The following GOLT1B variants were observed in gnomAD, a reference collection of about 807,000 sequenced individuals.
The protein encoded by GOLT1B is golgi transport 1B.
In GOLT1B, 3 loss-of-function variants were observed where a neutral mutation model predicts 15.4. The ratio of observed to expected loss-of-function variants is 0.19; its 90% confidence interval spans 0.09 to 0.50. The LOEUF is 0.50. Among genes scored for constraint, GOLT1B ranks in the 20% least tolerant of loss-of-function variants. The pLI is 0.97. For missense variants in GOLT1B, 145 were observed against 160.4 expected (o/e 0.90, Z 0.52); for synonymous variants, 65 against 56.2 (o/e 1.16, Z -0.70).
At position 21,517,384 on chromosome 12, in the gene GOLT1B, T is replaced by C. The variant is rs1266556136; in HGVS notation, c.*1677T>C. On this transcript the variant is annotated 3_prime_UTR_variant, in exon 5 of 5. Transcript: ENST00000229314. ...ATGGAATAATAAGAGGCTACTGTTG[T>C]GTCTAATGTTCTTCAAAAAAGTAAT... The C allele has an allele frequency of 1.0e-4, 16 of 152,460 alleles. No homozygotes were observed. The highest frequency in any genetic ancestry group is 9.2e-4 in the Admixed American group (14 of 15,278). 9.4% of individuals were successfully genotyped at this position (152,460 alleles called of 1,614,324 possible). A position where few individuals can be genotyped will look rare whatever the true frequency, so the allele number is the denominator to read the frequency against.
chr12:21,509,262 G>T (rs1360093492), intron 3 of GOLT1B, among the ~76,000 whole-genome samples: 1 of 151,912 alleles, frequency 6.6e-6, no homozygotes, highest in East Asian at 1.9e-4. Flanking sequence ...AGCTGGCCAT[G>T]CTGGCAGGCG....
chr12:21,515,631 G>A lies in GOLT1B; in HGVS notation c.379-38G>A, dbSNP rs76674748. The stretch of plus-strand genomic sequence containing the variant: ...TTGATATAATGTTTTATAATGTTCC[G>A]GGCTTTCTTTAATTCTCTGTTTTTC... On this transcript the variant is annotated intron_variant, in intron 4 of 4. Transcript: ENST00000229314. The A allele has an allele frequency of 5.8e-3, 6,213 of 1,064,634 alleles. 143 individuals carry two copies. In the African/African-American group the frequency reaches 0.064, roughly 11 times the overall value. The allele number at this position is 1,064,634 out of a possible 1,614,324, so 65.9% of individuals were successfully genotyped here.
At chr12:21,506,636 A>G (rs539251513) in intron 1 of GOLT1B, among the ~76,000 whole-genome samples, 4 of 152,182 alleles carry the variant, frequency 2.6e-5, no homozygotes, top group South Asian at 2.1e-4. Flanking sequence ...TATTATAGCT[A>G]TGTCTGAGAA....
At chr12:21,513,134 G>GAT (rs1169939264) in intron 4 of GOLT1B, among the ~76,000 whole-genome samples, 1 of 151,142 alleles carries the variant, frequency 6.6e-6, no homozygotes, top group African/African-American at 2.4e-5. Flanking sequence ...CAGATGGTAA[G>GAT]AGTCTATTCC....
intron 1 of GOLT1B, chr12:21,504,480 T>C (rs1591760101): frequency 2.2e-6 from 1 of 459,786 alleles, no homozygotes; most frequent in South Asian, 1.5e-5. Flanking sequence ...CCCGCTGGAC[T>C]GTACTGGATA....
chr12:21,505,038 T>C (rs1385639178), intron 1 of GOLT1B, among the ~76,000 whole-genome samples: 1 of 152,182 alleles, frequency 6.6e-6, no homozygotes, highest in South Asian at 2.1e-4. Context: ...TATCTAGAAG[T>C]GTGGCTTTAG....
At chr12:21,504,317 A>T (rs1943662846) in intron 1 of GOLT1B, among the ~76,000 whole-genome samples, 1 of 152,210 alleles carries the variant, frequency 6.6e-6, no homozygotes, top group Admixed American at 6.5e-5. Context: ...CAGAGGGCTT[A>T]TGAATGCATA....
chr12:21,513,712 G>A (rs1943736475), intron 4 of GOLT1B, among the ~76,000 whole-genome samples: 1 of 152,062 alleles, frequency 6.6e-6, no homozygotes, highest in African/African-American at 2.4e-5. Flanking sequence ...TGGAAGGATT[G>A]CTTGAACCAG....
At position 21,516,482 on chromosome 12, in the gene GOLT1B, T is replaced by A. The variant is rs1035320584; in HGVS notation, c.*775T>A. 11 of 152,068 alleles carry A rather than the reference T, an allele frequency of 7.2e-5. No individual in the cohort carries two copies. The highest frequency in any genetic ancestry group is 5.2e-4 in the Admixed American group (8 of 15,262). The allele number at this position is 152,068 out of a possible 1,614,324, so 9.4% of individuals were successfully genotyped here. A position where few individuals can be genotyped will look rare whatever the true frequency, so the allele number is the denominator to read the frequency against. On this transcript the variant is annotated 3_prime_UTR_variant, in exon 5 of 5. Coordinates refer to ENST00000229314, the MANE Select transcript of GOLT1B (RefSeq NM_016072.5). Reference sequence around the variant, plus strand: ...TAAGTATTTAACAAAAAAGCATTCTTGACCATGAATGAAGTAGTTTGTTTC... The same window carrying A: ...TAAGTATTTAACAAAAAAGCATTCTAGACCATGAATGAAGTAGTTTGTTTC...
intron 4 of GOLT1B, among the ~76,000 whole-genome samples, chr12:21,514,838 A>T (rs1565583365): frequency 6.6e-6 from 1 of 151,848 alleles, no homozygotes; most frequent in Non-Finnish European, 1.5e-5. Flanking sequence ...GTTATTCATC[A>T]TGATAAGTGC....
At chr12:21,512,482 A>G in intron 4 of GOLT1B, 106 bp downstream of exon 4, 1 of 700,040 alleles carries the variant, frequency 1.4e-6, no homozygotes, top group South Asian at 1.7e-5. Context: ...GTTTTGTATT[A>G]TGATATAGTT....
At chr12:21,502,028 A>T (rs1387980499) in intron 1 of GOLT1B, 80 bp downstream of exon 1, 1 of 998,502 alleles carries the variant, frequency 1.0e-6, no homozygotes, top group South Asian at 1.3e-5. Context: ...CGCCGGGGTC[A>T]ATGAATGAAG....
At chr12:21,503,314 T>C (rs1171909866) in intron 1 of GOLT1B, among the ~76,000 whole-genome samples, 1 of 152,138 alleles carries the variant, frequency 6.6e-6, no homozygotes, top group Non-Finnish European at 1.5e-5. Flanking sequence ...ATAAGTTAAA[T>C]GAGGCACAAA....
chr12:21,514,749 A>G (rs2136811063), intron 4 of GOLT1B, among the ~76,000 whole-genome samples: 1 of 152,320 alleles, frequency 6.6e-6, no homozygotes, highest in African/African-American at 2.4e-5. Context: ...AGTTGTAATC[A>G]TTATTTGTGC....
In GOLT1B at chr12:21,501,970, C is replaced by T. The variant is rs1049074531; in HGVS notation, c.25+22C>T. Reference sequence around the variant, plus strand: ...CAGAGTAAGCACCTGCTCCGGGGCCCCCGCCTCGAGCCGCGCACACCCATC... The same window carrying T: ...CAGAGTAAGCACCTGCTCCGGGGCCTCCGCCTCGAGCCGCGCACACCCATC... On this transcript the variant is annotated intron_variant, in intron 1 of 4. Transcript: ENST00000229314. 6 of 1,585,740 alleles carry T rather than the reference C, an allele frequency of 3.8e-6. No homozygotes were observed. The African/African-American group carries it at 5.4e-5, about 14-fold the overall frequency.
Position 21,512,214 on chromosome 12 carries a change from A to G in GOLT1B, c.297-81A>G. ...CAATTATTCAGAATTTTAACAGGAT[A>G]CTTTCTTTTTCCTTGGTTAGCAATT... On this transcript the variant is annotated intron_variant, in intron 3 of 4. Transcript: ENST00000229314. 3.9e-6 allele frequency: 3 copies of G among 762,646 alleles called. No individual in the cohort carries two copies. In the South Asian group the frequency reaches 4.6e-5, roughly 12 times the overall value. 47.2% of individuals were successfully genotyped at this position (762,646 alleles called of 1,614,324 possible).
In GOLT1B at chr12:21,515,853, A is replaced by T; in HGVS notation, c.*146A>T. ...AACGTATAGCCTACAAAGTACCAGC[A>T]GCAAATTAGCAAAGAAGCAGTGAAA... On this transcript the variant is annotated 3_prime_UTR_variant, in exon 5 of 5. Transcript: ENST00000229314. 2.0e-6 allele frequency: 1 copy of T among 497,324 alleles called. No homozygotes were observed. 30.8% of individuals were successfully genotyped at this position (497,324 alleles called of 1,614,324 possible).
intron 3 of GOLT1B, among the ~76,000 whole-genome samples, chr12:21,508,859 C>T (rs868490216): frequency 2.0e-5 from 3 of 147,448 alleles, no homozygotes; most frequent in African/African-American, 2.5e-5. Flanking sequence ...GTAGGTAGGT[C>T]GGTCGATCGA....
chr12:21,502,701 C>CTT (rs950495832), intron 1 of GOLT1B, among the ~76,000 whole-genome samples: 3 of 152,076 alleles, frequency 2.0e-5, no homozygotes, highest in African/African-American at 7.2e-5. Flanking sequence ...TATCGGTTTC[C>CTT]TTTTCTTTCA....
Sources: gnomAD v4.1 joint callset for allele counts (sites outside exome capture counted in the v4.1 genomes callset) on GRCh38, gnomAD v4.1.1 for gene constraint, MANE v1.5 for transcripts, NCBI Gene and HGNC (gene_info 2026-07-23, HGNC 2026-07-21) for gene names.